The following STRADA variants were observed in gnomAD, a reference collection of about 807,000 sequenced individuals.
STRADA encodes the protein STE20 related adaptor alpha.
In STRADA, 26 loss-of-function variants were observed where a neutral mutation model predicts 55.0. The observed-to-expected ratio is 0.47, with a 90% confidence interval of 0.35 to 0.66. The LOEUF (loss-of-function observed/expected upper bound fraction) is 0.66. Ranked by LOEUF, STRADA falls within the 30% of genes least tolerant of loss-of-function variation. The pLI is 0.01. For missense variants in STRADA, 443 were observed against 549.7 expected (o/e 0.81, Z 1.94); for synonymous variants, 197 against 210.9 (o/e 0.93, Z 0.57).
intron 4 of STRADA, among the ~76,000 whole-genome samples, chr17:63,719,763 C>T (rs551489738): frequency 3.9e-5 from 6 of 152,048 alleles, no homozygotes; most frequent in African/African-American, 7.2e-5. Flanking sequence ...GGGTTACAGG[C>T]GTGAGCCATG....
intron 10 of STRADA, chr17:63,706,408 T>C: frequency 2.0e-6 from 1 of 505,362 alleles, no homozygotes. Context: ...TTTGCACCCC[T>C]GCTCCCGGGC....
At chr17:63,735,767 T>C (rs529919613) in intron 1 of STRADA, among the ~76,000 whole-genome samples, 2 of 152,258 alleles carry the variant, frequency 1.3e-5, no homozygotes, top group Admixed American at 1.3e-4. Context: ...GAGAGTATAG[T>C]AGAGGAGACG....
Position 63,728,364 on chromosome 17 carries a change from T to C in STRADA, c.6A>G (p.Ser2=). The C allele has an allele frequency of 6.2e-7, 1 of 1,613,230 alleles. No individual in the cohort carries two copies. The highest frequency in any genetic ancestry group is 8.5e-7 in the Non-Finnish European group (1 of 1,179,730). The change falls in exon 2 of 13, where the codon TCA becomes TCG. Residue 2 remains serine, a synonymous_variant. Transcript: ENST00000336174. M[S]FLVSKPERIR... is the part of the protein sequence containing the mutation. ...TTCGCTCTGGTTTACTTACAAGAAA[T>C]GACATGAGTTCCTACTGTGTAGGCC...
In STRADA at chr17:63,703,619, C is replaced by T. The variant is rs2035859233; in HGVS notation, c.1276G>A (p.Val426Met). 6.2e-7 allele frequency: 1 copy of T among 1,614,010 alleles called. No homozygotes were observed. The highest frequency in any genetic ancestry group is 8.5e-7 in the Non-Finnish European group (1 of 1,179,988). ...GAGGCTCAGAACTCCCAATCGTCCA[C>T]CTCCAGCTCTTCCAGGTTTGTTACC... is the stretch of plus-strand genomic sequence containing the variant. ...GLVTNLEELEVDDWEF is the reference protein window; with the variant it reads ...GLVTNLEELEMDDWEF The change falls in exon 13 of 13, where the codon GTG becomes ATG. Residue 426 changes from valine to methionine, a missense_variant. By Grantham distance (21) the Val-to-Met change is conservative (BLOSUM62 1). Transcript: ENST00000336174.
At chr17:63,712,923 C>G (rs2036596266) in intron 6 of STRADA, among the ~76,000 whole-genome samples, 1 of 151,628 alleles carries the variant, frequency 6.6e-6, no homozygotes, top group African/African-American at 2.4e-5. Context: ...ATCGCTTGAA[C>G]CTGGGAGGTG....
chr17:63,717,523 C>T (rs555756381), intron 4 of STRADA, among the ~76,000 whole-genome samples: 1 of 152,050 alleles, frequency 6.6e-6, no homozygotes, highest in Non-Finnish European at 1.5e-5. Flanking sequence ...CTCTGTTGCC[C>T]AGGCTGGAGT....
intron 1 of STRADA, among the ~76,000 whole-genome samples, chr17:63,734,697 C>T (rs1182695059): frequency 1.3e-5 from 2 of 152,138 alleles, no homozygotes; most frequent in African/African-American, 4.8e-5. Flanking sequence ...GCCAAACTAA[C>T]TTCAACCTTG....
chr17:63,740,998 A>G (rs2038900344), intron 1 of STRADA, among the ~76,000 whole-genome samples: 1 of 152,180 alleles, frequency 6.6e-6, no homozygotes, highest in Non-Finnish European at 1.5e-5. Flanking sequence ...AACGTCGCAT[A>G]TACGTATTGG....
At position 63,736,244 on chromosome 17, in the gene STRADA, C is replaced by A. The variant is rs528445718; in HGVS notation, c.-45+5497G>T. Among the ~76,000 whole-genome samples the A allele has an allele frequency of 3.3e-5, 5 of 152,112 alleles. No homozygotes were observed. In the East Asian group the frequency reaches 9.7e-4, roughly 29 times the overall value. ...GAGCCACTGCACCCAGCCCCATACA[C>A]GGTTTTTAATGAAATTATTTTAATG... On this transcript the variant is annotated intron_variant, in intron 1 of 12. Coordinates refer to ENST00000336174, the MANE Select transcript of STRADA (RefSeq NM_001003787.4).
intron 4 of STRADA, among the ~76,000 whole-genome samples, chr17:63,718,248 A>T (rs557996292): frequency 9.9e-4 from 150 of 152,232 alleles, no homozygotes; most frequent in African/African-American, 3.3e-3. Flanking sequence ...AAACGATCTC[A>T]TCTTCAGAAT....
At chr17:63,705,861 C>T (rs536736325) in intron 10 of STRADA, 1 of 152,548 alleles carries the variant, frequency 6.6e-6, no homozygotes, top group African/African-American at 2.4e-5. Context: ...CCTTCCAACT[C>T]AAGGCTGCCT....
chr17:63,717,987 G>A (rs1166169333), intron 4 of STRADA, among the ~76,000 whole-genome samples: 1 of 152,098 alleles, frequency 6.6e-6, no homozygotes, highest in Non-Finnish European at 1.5e-5. Context: ...CCAGGCTGGA[G>A]TGCAGTGGCA....
intron 4 of STRADA, among the ~76,000 whole-genome samples, chr17:63,715,837 T>TTCAG (rs2036836568): frequency 6.6e-6 from 1 of 152,204 alleles, no homozygotes; most frequent in South Asian, 2.1e-4. Context: ...CACTGCTGTA[T>TTCAG]CATATATTCA....
intron 1 of STRADA, among the ~76,000 whole-genome samples, chr17:63,736,836 A>ACC (rs1430936261): frequency 2.5e-4 from 14 of 55,982 alleles, no homozygotes; most frequent in Non-Finnish European, 3.8e-4. Context: ...TCTTCCCCCC[A>ACC]CGCCCCCCCC....
At chr17:63,741,041 A>C (rs1039745155) in intron 1 of STRADA, 3 of 152,194 alleles carry the variant, frequency 2.0e-5, no homozygotes, top group African/African-American at 7.2e-5. Flanking sequence ...TATTACAATA[A>C]GAAAAGGGCA....
intron 1 of STRADA, among the ~76,000 whole-genome samples, chr17:63,733,503 C>G (rs1197637329): frequency 6.6e-6 from 1 of 152,150 alleles, no homozygotes; most frequent in Non-Finnish European, 1.5e-5. Context: ...CACTCCCATT[C>G]CCATATCTCT....
chr17:63,733,039 C>T (rs1356095632), intron 1 of STRADA, among the ~76,000 whole-genome samples: 1 of 152,196 alleles, frequency 6.6e-6, no homozygotes, highest in Non-Finnish European at 1.5e-5. Flanking sequence ...AGGCACCCGC[C>T]ACCACACCCA....
At chr17:63,706,604 C>G (rs781079274) in intron 10 of STRADA, 31 bp downstream of exon 10, 1 of 1,552,230 alleles carries the variant, frequency 6.4e-7, no homozygotes, top group Non-Finnish European at 8.9e-7. Context: ...GGCAAGCAGG[C>G]AAGAAGGAAA....
chr17:63,711,750 A>G (rs928336294), intron 6 of STRADA, among the ~76,000 whole-genome samples: 9 of 152,080 alleles, frequency 5.9e-5, no homozygotes, highest in African/African-American at 2.2e-4. Context: ...CCTGGGCAAC[A>G]TGGCGAAACC....
Sources: allele counts gnomAD v4.1 joint callset (sites outside exome capture counted in the v4.1 genomes callset), GRCh38; gene constraint gnomAD v4.1.1; transcripts MANE v1.5; gene names NCBI Gene and HGNC (gene_info 2026-07-23, HGNC 2026-07-21).